Variants in MAP3K20 observed in about 807,000 individuals in gnomAD.
MAP3K20 encodes mitogen-activated protein kinase kinase kinase 20, also known as HCCS-4.
In MAP3K20, 40 loss-of-function variants were observed where a neutral mutation model predicts 85.7. The ratio of observed to expected loss-of-function variants is 0.47; its 90% confidence interval spans 0.36 to 0.61. The LOEUF is 0.61. MAP3K20 is among the 20% of genes least tolerant of loss of function. The pLI is 0.00. For synonymous variants in MAP3K20, 325 were observed against 327.7 expected, an observed-to-expected ratio of 0.99 and a Z score of 0.09; for missense variants, 817 against 961.7, an observed-to-expected ratio of 0.85 and a Z score of 1.99.
rs1211109126 is a variant in MAP3K20, at chr2:173,191,094, G to A, written c.499G>A (p.Val167Ile). Residue 167 changes from valine to isoleucine, a missense_variant, in exon 7 of 20, where the codon GTT becomes ATT. This residue lies in a region of MAP3K20 where 200 missense variants were observed against 302.7 expected (regional missense o/e 0.66). Transcript: ENST00000375213. ...TAACCATACAACACACATGTCCTTG[G>A]TTGGAACTTTCCCATGGATGGCTCC... Reference protein sequence around the residue: ...FHNHTTHMSLVGTFPWMAPEV... With the variant: ...FHNHTTHMSLIGTFPWMAPEV... 2 of 1,613,976 alleles carry A rather than the reference G, an allele frequency of 1.2e-6. No homozygotes were observed. Among genetic ancestry groups the A allele is most frequent in the East Asian group, 2.2e-5 (1 of 44,862 alleles).
At chr2:173,189,980 CAT>C (rs1690600570) in intron 5 of MAP3K20, among the ~76,000 whole-genome samples, 1 of 152,190 alleles carries the variant, frequency 6.6e-6, no homozygotes. Context: ...TCTTCTCTGA[CAT>C]AGTCTCCCCT....
At chr2:173,112,295 A>G (rs1301331420) in intron 2 of MAP3K20, among the ~76,000 whole-genome samples, 1 of 152,158 alleles carries the variant, frequency 6.6e-6, no homozygotes. Context: ...TGTCAGTTCT[A>G]GGAGCTTTCT....
At chr2:173,154,659 C>T (rs1449450850) in intron 2 of MAP3K20, among the ~76,000 whole-genome samples, 1 of 152,050 alleles carries the variant, frequency 6.6e-6, no homozygotes, top group African/African-American at 2.4e-5. Context: ...GAGTTTATTT[C>T]TTTTTATTTG....
rs181310517 is a variant in MAP3K20, at chr2:173,244,323, T to C, written c.1359+4827T>C. 1.9e-4 allele frequency among the ~76,000 whole-genome samples: 29 copies of C among 152,318 alleles called. No individual in the cohort carries two copies. In the Middle Eastern group the frequency reaches 0.01, roughly 54 times the overall value. On this transcript the variant is annotated intron_variant, in intron 16 of 19. Transcript: ENST00000375213. ...CTTTTTTGGAACCATGAGTATTTTA[T>C]TGGGGCTTGAAGAGGTTGGTGGGCA...
intron 2 of MAP3K20, among the ~76,000 whole-genome samples, chr2:173,144,319 C>T (rs371187662): frequency 2.0e-5 from 3 of 151,452 alleles, no homozygotes; most frequent in Non-Finnish European, 2.9e-5. Flanking sequence ...AAAAATTAGC[C>T]GGGCGTGGTG....
At chr2:173,226,689 A>C in intron 11 of MAP3K20, 1 of 985,836 alleles carries the variant, frequency 1.0e-6, no homozygotes, top group Non-Finnish European at 1.2e-6. Context: ...TAGAGTTCCA[A>C]GCACCTACAT....
chr2:173,076,177 C>G (rs1158074565), intron 1 of MAP3K20, among the ~76,000 whole-genome samples, 175 bp downstream of exon 1: 2 of 151,386 alleles, frequency 1.3e-5, no homozygotes, highest in African/African-American at 4.8e-5. Context: ...CCGGCGGCGG[C>G]GGCCGGAGCG....
intron 7 of MAP3K20, among the ~76,000 whole-genome samples, chr2:173,191,416 T>C (rs2106275298): frequency 6.6e-6 from 1 of 152,284 alleles, no homozygotes; most frequent in Admixed American, 6.5e-5. Context: ...AAGAAACAAA[T>C]TAAATGGAAT....
At chr2:173,217,042 A>T in intron 10 of MAP3K20, 73 bp from the exon 11 acceptor site, 1 of 1,317,982 alleles carries the variant, frequency 7.6e-7, no homozygotes, top group Admixed American at 3.0e-5. Context: ...TTTGATTAGC[A>T]TTCTGATGGA....
intron 11 of MAP3K20, chr2:173,224,654 A>T (rs1266004386): frequency 1.0e-6 from 1 of 985,198 alleles, no homozygotes; most frequent in Non-Finnish European, 1.2e-6. Context: ...TCCTCGTAGA[A>T]CTGGACTATT....
chr2:173,241,179 G>T (rs1684771763), intron 16 of MAP3K20, among the ~76,000 whole-genome samples: 1 of 152,112 alleles, frequency 6.6e-6, no homozygotes, highest in African/African-American at 2.4e-5. Context: ...TAGCACAACA[G>T]GGTGACTACA....
chr2:173,086,752 A>T (rs1200254457), intron 1 of MAP3K20, among the ~76,000 whole-genome samples: 1 of 152,198 alleles, frequency 6.6e-6, no homozygotes, highest in Non-Finnish European at 1.5e-5. Flanking sequence ...GTCTCAGTTC[A>T]TCCACATTCC....
At chr2:173,219,010 T>C (rs1320775678) in intron 11 of MAP3K20, among the ~76,000 whole-genome samples, 3 of 152,178 alleles carry the variant, frequency 2.0e-5, no homozygotes, top group Admixed American at 1.3e-4. Context: ...TTTTTCCTTA[T>C]GGGAGATAAG....
At chr2:173,255,877 T>TC (rs1308461400) in intron 16 of MAP3K20, among the ~76,000 whole-genome samples, 1 of 152,226 alleles carries the variant, frequency 6.6e-6, no homozygotes, top group Non-Finnish European at 1.5e-5. Context: ...AGAAGAGCAA[T>TC]CATGACACCA....
intron 11 of MAP3K20, chr2:173,226,918 C>G (rs1684406474): frequency 3.0e-6 from 3 of 984,884 alleles, no homozygotes; most frequent in Non-Finnish European, 3.6e-6. Flanking sequence ...CTGAGCAAGT[C>G]CTATGCCAAA....
At chr2:173,120,701 C>T (rs199589710) in intron 2 of MAP3K20, among the ~76,000 whole-genome samples, 8 of 49,230 alleles carry the variant, frequency 1.6e-4, no homozygotes, top group African/African-American at 4.7e-4. Flanking sequence ...ACTCTCACTT[C>T]TTTTTTTTTT....
At chr2:173,203,463 C>G (rs894451648) in intron 8 of MAP3K20, among the ~76,000 whole-genome samples, 1 of 152,162 alleles carries the variant, frequency 6.6e-6, no homozygotes, top group African/African-American at 2.4e-5. Context: ...TATAAACATA[C>G]AGTGACATAT....
rs543687763 is a variant in MAP3K20, at chr2:173,168,138, T to G, written c.160-1667T>G. 7.3e-5 allele frequency among the ~76,000 whole-genome samples: 11 copies of G among 151,402 alleles called. No individual in the cohort carries two copies. The South Asian group carries it at 1.2e-3, about 17-fold the overall frequency. On this transcript the variant is annotated intron_variant, in intron 2 of 19. Coordinates refer to ENST00000375213, the MANE Select transcript of MAP3K20 (RefSeq NM_016653.3). ...AATAAATAAACTTTATTATTATTTA[T>G]TATTATAGTAAGAAGTAGGGTTGCC...
At chr2:173,164,017 T>A (rs1251970234) in intron 2 of MAP3K20, among the ~76,000 whole-genome samples, 1 of 151,776 alleles carries the variant, frequency 6.6e-6, no homozygotes, top group Non-Finnish European at 1.5e-5. Flanking sequence ...TGGAGTGCAG[T>A]GGTGCAATCT....
Sources: gnomAD v4.1 joint callset for allele counts (sites outside exome capture counted in the v4.1 genomes callset) on GRCh38, gnomAD v4.1.1 for gene constraint, gnomAD v4.1.1 regional missense constraint, MANE v1.5 for transcripts, NCBI Gene and HGNC (gene_info 2026-07-23, HGNC 2026-07-21) for gene names.